RIMS2: variants seen among roughly 807,000 people sequenced by gnomAD.
The protein encoded by RIMS2 is regulating synaptic membrane exocytosis 2, also known as regulating synaptic membrane exocytosis protein 2.
In RIMS2, 59 loss-of-function variants were observed where a neutral mutation model predicts 174.4. The ratio of observed to expected loss-of-function variants is 0.34; its 90% CI spans 0.27 to 0.42. The LOEUF (loss-of-function observed/expected upper bound fraction) is 0.42, where lower values mean the gene tolerates loss of function less well. Ranked by LOEUF, RIMS2 falls within the 10% of genes least tolerant of loss-of-function variation. The pLI is 1.00. For synonymous variants in RIMS2, 606 were observed against 572.5 expected, an observed-to-expected ratio of 1.06 and a Z score of -0.84; for missense variants, 1,620 against 1,666.3, an observed-to-expected ratio of 0.97 and a Z score of 0.48.
chr8:104,228,825 A>T (rs908249520), intron 19 of RIMS2, among the ~76,000 whole-genome samples: 2 of 152,208 alleles, frequency 1.3e-5, no homozygotes, highest in African/African-American at 2.4e-5. Context: ...TCCATAAATG[A>T]GTTCATACCT....
chr8:104,209,093 T>C (rs764909513), intron 19 of RIMS2, among the ~76,000 whole-genome samples: 9 of 152,232 alleles, frequency 5.9e-5, no homozygotes, highest in Admixed American at 2.6e-4. Context: ...TCTAGACTCA[T>C]AGGAACAACA....
chr8:104,177,224 T>G (rs2135746488), intron 19 of RIMS2, among the ~76,000 whole-genome samples: 1 of 152,274 alleles, frequency 6.6e-6, no homozygotes, highest in East Asian at 1.9e-4. Context: ...ATTAAGTGAC[T>G]TTCTCAAGGT....
intron 17 of RIMS2, among the ~76,000 whole-genome samples, chr8:103,999,129 T>C (rs2095273350): frequency 6.6e-6 from 1 of 151,782 alleles, no homozygotes; most frequent in Non-Finnish European, 1.5e-5. Context: ...TTGGTCACCT[T>C]GACTGTTGTT....
At chr8:104,101,726 T>C (rs1330665482) in intron 19 of RIMS2, among the ~76,000 whole-genome samples, 1 of 152,240 alleles carries the variant, frequency 6.6e-6, no homozygotes, top group East Asian at 1.9e-4. Context: ...GATTTGTTTT[T>C]CTACTTCTAT....
At chr8:104,223,408 G>T in intron 19 of RIMS2, 1 of 1,268,686 alleles carries the variant, frequency 7.9e-7, no homozygotes, top group Non-Finnish European at 9.9e-7. Context: ...GCGAGCAGCC[G>T]CTCCGCCCGC....
chr8:103,701,746 C>G (rs186513943), intron 2 of RIMS2, among the ~76,000 whole-genome samples: 1 of 152,114 alleles, frequency 6.6e-6, no homozygotes, highest in East Asian at 1.9e-4. Context: ...CCATCCATGT[C>G]ACTGCAAATG....
intron 12 of RIMS2, among the ~76,000 whole-genome samples, chr8:103,936,277 T>C (rs568476704): frequency 6.6e-6 from 1 of 152,274 alleles, no homozygotes; most frequent in South Asian, 2.1e-4. Flanking sequence ...TGGTTTTATT[T>C]AGATTTTGAG....
intron 16 of RIMS2, among the ~76,000 whole-genome samples, chr8:103,985,603 C>T (rs1003076960): frequency 2.0e-5 from 3 of 149,978 alleles, no homozygotes; most frequent in African/African-American, 7.4e-5. Flanking sequence ...ATCTCCTGTA[C>T]TCCATAAATA....
At chr8:103,528,471 C>T (rs1020106640) in intron 1 of RIMS2, among the ~76,000 whole-genome samples, 4 of 152,174 alleles carry the variant, frequency 2.6e-5, no homozygotes, top group Admixed American at 1.3e-4. Context: ...TTGCCCATGC[C>T]TATGTCCTGA....
intron 19 of RIMS2, among the ~76,000 whole-genome samples, chr8:104,213,357 T>C (rs1366763226): frequency 6.6e-6 from 1 of 152,136 alleles, no homozygotes; most frequent in African/African-American, 2.4e-5. Flanking sequence ...AATTCCTATC[T>C]CAATTAAGTC....
intron 19 of RIMS2, among the ~76,000 whole-genome samples, chr8:104,060,595 T>G (rs1324512347): frequency 2.0e-5 from 3 of 151,652 alleles, no homozygotes; most frequent in Middle Eastern, 3.2e-3. Flanking sequence ...TTTTAGTTAT[T>G]TCTTGCCTTC....
At chr8:103,617,034 G>A (rs1404170511) in intron 1 of RIMS2, among the ~76,000 whole-genome samples, 3 of 152,042 alleles carry the variant, frequency 2.0e-5, no homozygotes, top group African/African-American at 7.2e-5. Flanking sequence ...TAAAATTCAT[G>A]TGGAACCAAA....
intron 1 of RIMS2, among the ~76,000 whole-genome samples, chr8:103,639,467 TG>T (rs1446997505): frequency 6.6e-6 from 1 of 151,832 alleles, no homozygotes; most frequent in African/African-American, 2.4e-5. Context: ...CCTCTTTCAT[TG>T]ACCAGTTAGC....
chr8:103,615,326 A>G (rs1398853371), intron 1 of RIMS2, among the ~76,000 whole-genome samples: 1 of 152,194 alleles, frequency 6.6e-6, no homozygotes, highest in Non-Finnish European at 1.5e-5. Context: ...TTCTTTGAAA[A>G]TAATGAGAAC....
chr8:103,909,389 T>A (rs988210113), intron 4 of RIMS2, among the ~76,000 whole-genome samples: 1 of 152,124 alleles, frequency 6.6e-6, no homozygotes. Context: ...ACATTCTTAG[T>A]TGCCAATTAC....
intron 1 of RIMS2, among the ~76,000 whole-genome samples, chr8:103,554,617 G>T (rs1849590173): frequency 6.6e-6 from 1 of 152,128 alleles, no homozygotes; most frequent in Non-Finnish European, 1.5e-5. Flanking sequence ...ATTATGGATG[G>T]CAGTTTGGTG....
At chr8:103,887,572 A>G (rs2099211757) in intron 4 of RIMS2, among the ~76,000 whole-genome samples, 1 of 151,592 alleles carries the variant, frequency 6.6e-6, no homozygotes, top group Non-Finnish European at 1.5e-5. Flanking sequence ...TGACAAAAAT[A>G]TACCAGATGG....
intron 2 of RIMS2, among the ~76,000 whole-genome samples, chr8:103,757,063 A>G (rs1209397511): frequency 6.6e-6 from 1 of 151,432 alleles, no homozygotes; most frequent in Non-Finnish European, 1.5e-5. Flanking sequence ...TTCAGGAGAG[A>G]TTTACTTGGC....
chr8:103,998,159 T>C (rs370183876), intron 17 of RIMS2: 217 of 1,542,616 alleles, frequency 1.4e-4, no homozygotes, highest in Admixed American at 2.5e-4. Context: ...GTCTTATTTA[T>C]ATTCTTGTTT....
Sources: gnomAD v4.1 joint callset for allele counts (sites outside exome capture counted in the v4.1 genomes callset) on GRCh38, gnomAD v4.1.1 for gene constraint, MANE v1.5 for transcripts, NCBI Gene and HGNC (gene_info 2026-07-23, HGNC 2026-07-21) for gene names.